The following IL1RAPL2 variants were observed in gnomAD, a reference collection of about 807,000 sequenced individuals.
The protein encoded by IL1RAPL2 is X-linked interleukin-1 receptor accessory protein-like 2.
A neutral mutation model predicts 44.1 loss-of-function variants in IL1RAPL2; 3 were observed. The ratio of observed to expected loss-of-function variants is 0.07; its 90% CI spans 0.03 to 0.18. IL1RAPL2 has a LOEUF of 0.18. Ranked by LOEUF, IL1RAPL2 falls within the 10% of genes least tolerant of loss-of-function variation. The pLI is 1.00. For missense variants in IL1RAPL2, 391 were observed against 496.4 expected (o/e 0.79, Z 2.02); for synonymous variants, 181 against 178.8 (o/e 1.01, Z -0.10).
chrX:105,480,619 G>A (rs1450115283), intron 5 of IL1RAPL2, among the ~76,000 whole-genome samples: 2 of 111,963 alleles, frequency 1.8e-5, no homozygotes, highest in African/African-American at 6.5e-5. Flanking sequence ...TCCCCCTTGA[G>A]GTCCAGGATA....
At chrX:105,284,565 G>A (rs1278067429) in intron 5 of IL1RAPL2, among the ~76,000 whole-genome samples, 1 of 112,068 alleles carries the variant, frequency 8.9e-6, no homozygotes, top group African/African-American at 3.2e-5. Flanking sequence ...AACTCCCTGT[G>A]TGTGGTACAA....
chrX:105,358,360 C>CTTTTTTTTTTTTT (rs398069281), intron 5 of IL1RAPL2, among the ~76,000 whole-genome samples: 2 of 87,990 alleles, frequency 2.3e-5, no homozygotes, highest in Non-Finnish European at 4.5e-5. Context: ...AAAGTTCAGT[C>CTTTTTTTTTTTTT]TTTTTTTTTT....
intron 2 of IL1RAPL2, among the ~76,000 whole-genome samples, chrX:104,858,550 G>A (rs918129308): frequency 2.7e-5 from 3 of 111,859 alleles, no homozygotes; most frequent in Non-Finnish European, 5.7e-5. Context: ...GAATAAAATT[G>A]ATATGCATTT....
chrX:105,622,383 T>C (rs887858034), intron 6 of IL1RAPL2, among the ~76,000 whole-genome samples: 2 of 110,114 alleles, frequency 1.8e-5, no homozygotes, highest in African/African-American at 3.3e-5. Context: ...TCGGCAAGTG[T>C]ACATCTAAGT....
chrX:104,670,508 G>A (rs1430548002), intron 2 of IL1RAPL2, among the ~76,000 whole-genome samples: 2 of 111,199 alleles, frequency 1.8e-5, no homozygotes, highest in Admixed American at 9.6e-5. Context: ...CCAGAAACAA[G>A]TACTTTACCA....
intron 2 of IL1RAPL2, among the ~76,000 whole-genome samples, chrX:104,660,531 C>T (rs1268459943): frequency 9.7e-6 from 1 of 103,269 alleles, no homozygotes; most frequent in Non-Finnish European, 2.0e-5. Flanking sequence ...AGAAGAGAGG[C>T]TGTTAAAATA....
intron 4 of IL1RAPL2, among the ~76,000 whole-genome samples, chrX:105,254,866 A>G (rs2034302074): frequency 9.0e-6 from 1 of 111,378 alleles, no homozygotes. Flanking sequence ...ATGGTTATAG[A>G]TGTGTTGTCT....
chrX:105,442,298 T>C (rs2035925884), intron 5 of IL1RAPL2, among the ~76,000 whole-genome samples: 2 of 109,728 alleles, frequency 1.8e-5, no homozygotes, highest in South Asian at 8.0e-4. Context: ...TCTCCTGAAC[T>C]CGTGATCCAC....
intron 5 of IL1RAPL2, among the ~76,000 whole-genome samples, chrX:105,450,839 G>C (rs979686989): frequency 1.8e-5 from 2 of 110,589 alleles, no homozygotes; most frequent in Non-Finnish European, 3.8e-5. Flanking sequence ...TTTTCCAAAT[G>C]AAGAAACTTA....
chrX:105,454,223 C>T (rs1945291696), intron 5 of IL1RAPL2, among the ~76,000 whole-genome samples: 1 of 111,653 alleles, frequency 9.0e-6, no homozygotes, highest in Admixed American at 9.5e-5. Context: ...GCCCTGATCC[C>T]AGTAAAGGGA....
chrX:105,030,098 TG>T (rs1386763341), intron 2 of IL1RAPL2, among the ~76,000 whole-genome samples: 4 of 111,249 alleles, frequency 3.6e-5, no homozygotes, highest in African/African-American at 6.5e-5. Context: ...TTGATGGGTT[TG>T]TTTTTTTCTT....
At chrX:104,828,911 C>T (rs917978043) in intron 2 of IL1RAPL2, among the ~76,000 whole-genome samples, 6 of 112,489 alleles carry the variant, frequency 5.3e-5, no homozygotes, top group African/African-American at 1.3e-4. Context: ...AACTTCCTGG[C>T]GGCTTTGTTT....
intron 2 of IL1RAPL2, among the ~76,000 whole-genome samples, chrX:105,089,183 G>A (rs181113104): frequency 3.6e-5 from 4 of 110,641 alleles, no homozygotes; most frequent in African/African-American, 1.3e-4. Flanking sequence ...TGGAAGGAGT[G>A]CCCTGTACTC....
At chrX:105,090,107 G>A (rs2032525684) in intron 2 of IL1RAPL2, among the ~76,000 whole-genome samples, 2 of 111,433 alleles carry the variant, frequency 1.8e-5, no homozygotes, top group African/African-American at 6.5e-5. Flanking sequence ...CTTTGCCTTA[G>A]TCAAACATCC....
Position 105,025,762 on chromosome X carries a change from A to G in IL1RAPL2, c.83-169713A>G, listed in dbSNP as rs1023690691. Among the ~76,000 whole-genome samples the G allele has an allele frequency of 1.6e-4, 18 of 111,652 alleles. 1 individual carries two copies. Among genetic ancestry groups the G allele is most frequent in the Middle Eastern group, 4.6e-3 (1 of 219 alleles). On this transcript the variant is annotated intron_variant, in intron 2 of 10. Transcript: ENST00000372582. ...TAGTGCTTCCCTTTTTAAGGAATCC[A>G]TTAACCATGATATTGTTTTATATTT...
intron 1 of IL1RAPL2, among the ~76,000 whole-genome samples, chrX:104,590,712 T>G (rs1300020322): frequency 8.9e-6 from 1 of 112,128 alleles, no homozygotes; most frequent in East Asian, 2.8e-4. Flanking sequence ...TGGCCTTTGC[T>G]GCTGACCTCC....
At chrX:105,484,492 A>G (rs192976868) in intron 6 of IL1RAPL2, 105 bp downstream of exon 6, 35 of 554,075 alleles carry the variant, frequency 6.3e-5, no homozygotes, top group African/African-American at 6.3e-4. Flanking sequence ...TATTACATGC[A>G]AATCAATTTG....
intron 6 of IL1RAPL2, among the ~76,000 whole-genome samples, chrX:105,690,316 C>T (rs2038025077): frequency 1.8e-5 from 2 of 111,621 alleles, no homozygotes; most frequent in South Asian, 7.5e-4. Context: ...TTCAAGCTGA[C>T]ATACTATAAA....
chrX:104,685,769 T>TA (rs969112511), intron 2 of IL1RAPL2, among the ~76,000 whole-genome samples: 8 of 107,719 alleles, frequency 7.4e-5, no homozygotes, highest in South Asian at 4.1e-4. Context: ...TCAAGTGTAA[T>TA]AAAAAAAAAT....
Sources: gnomAD v4.1 joint callset for allele counts (sites outside exome capture counted in the v4.1 genomes callset) on GRCh38, gnomAD v4.1.1 for gene constraint, MANE v1.5 for transcripts, NCBI Gene and HGNC (gene_info 2026-07-23, HGNC 2026-07-21) for gene names.